NAV2: variants seen among roughly 807,000 people sequenced by gnomAD.
NAV2 encodes helicase, APC down-regulated 1.
In NAV2, 54 loss-of-function variants were observed where a neutral mutation model predicts 223.2. The observed-to-expected ratio is 0.24, with a 90% CI of 0.19 to 0.30. The LOEUF (loss-of-function observed/expected upper bound fraction) is 0.30. Ranked by LOEUF, NAV2 falls within the 10% of genes least tolerant of loss-of-function variation. The pLI is 1.00. For missense variants in NAV2, 2,806 were observed against 3,147.5 expected (o/e 0.89, Z 2.60); for synonymous variants, 1,279 against 1,239.3 (o/e 1.03, Z -0.67).
Position 19,604,272 on chromosome 11 carries a change from T to A in NAV2, c.76-228212T>A, listed in dbSNP as rs369385922. ...GGGTAGGAGGAGGCTACTGCAACAG[T>A]TAGGATGAAAGTTGACAGTGGCTTG... is the stretch of plus-strand genomic sequence containing the variant. On this transcript the variant is annotated intron_variant, in intron 1 of 37. Coordinates refer to the NAV2 transcript ENST00000360655. Among the ~76,000 whole-genome samples, 29 of 152,100 alleles carry A rather than the reference T, an allele frequency of 1.9e-4. No individual in the cohort carries two copies. In the East Asian group the frequency reaches 3.5e-3, roughly 18 times the overall value.
intron 1 of NAV2, among the ~76,000 whole-genome samples, chr11:19,636,444 C>T (rs1335521304): frequency 6.6e-6 from 1 of 151,582 alleles, no homozygotes; most frequent in Non-Finnish European, 1.5e-5. Flanking sequence ...GGATTCAAGT[C>T]TGTGCATGCA....
chr11:19,761,195 T>TG (rs1390220638), intron 1 of NAV2, among the ~76,000 whole-genome samples: 11 of 152,242 alleles, frequency 7.2e-5, no homozygotes, highest in Admixed American at 2.0e-4. Context: ...CCTTTTTTCT[T>TG]GGGGGAGTTA....
intron 1 of NAV2, among the ~76,000 whole-genome samples, chr11:19,393,329 C>A (rs1849319530): frequency 6.6e-6 from 1 of 152,202 alleles, no homozygotes; most frequent in Non-Finnish European, 1.5e-5. Context: ...GCCATTGAGC[C>A]CAGTGCCTGC....
intron 25 of NAV2, chr11:20,082,458 C>T: frequency 1.2e-6 from 1 of 817,466 alleles, no homozygotes; most frequent in South Asian, 1.5e-5. Context: ...TGGAAACCTC[C>T]CCTGTGTGTG....
intron 1 of NAV2, among the ~76,000 whole-genome samples, chr11:19,720,676 G>A (rs1269692192): frequency 2.0e-5 from 3 of 152,134 alleles, no homozygotes; most frequent in African/African-American, 4.8e-5. Context: ...TACTAGTCAC[G>A]GATATCGATT....
intron 30 of NAV2, among the ~76,000 whole-genome samples, chr11:20,096,960 G>A (rs1275574364): frequency 1.3e-5 from 2 of 152,208 alleles, no homozygotes; most frequent in East Asian, 3.9e-4. Context: ...ATGAGACCAT[G>A]CAAAGCCTGT....
At chr11:19,482,651 A>T (rs1340048615) in intron 1 of NAV2, among the ~76,000 whole-genome samples, 1 of 152,180 alleles carries the variant, frequency 6.6e-6, no homozygotes, top group African/African-American at 2.4e-5. Flanking sequence ...GGCTGTTGTC[A>T]TAGGCTGAGC....
chr11:19,588,909 T>A (rs2045973972), intron 1 of NAV2, among the ~76,000 whole-genome samples: 1 of 152,184 alleles, frequency 6.6e-6, no homozygotes, highest in South Asian at 2.1e-4. Context: ...CTGCATATCA[T>A]AAGGTAGTTT....
At chr11:19,718,591 T>C (rs934231571) in intron 1 of NAV2, among the ~76,000 whole-genome samples, 1 of 133,060 alleles carries the variant, frequency 7.5e-6, no homozygotes, top group African/African-American at 2.6e-5. Context: ...AAGGTGATTA[T>C]GGATTTGATT....
chr11:20,055,213 C>T (rs1245805984), intron 18 of NAV2, among the ~76,000 whole-genome samples: 2 of 152,164 alleles, frequency 1.3e-5, no homozygotes, highest in Non-Finnish European at 2.9e-5. Context: ...GAAAATATTG[C>T]ACATGACTCA....
At chr11:20,095,598 A>T (rs568296623) in intron 29 of NAV2, 74 bp from the exon 30 acceptor site, 4 of 1,043,606 alleles carry the variant, frequency 3.8e-6, no homozygotes, top group Non-Finnish European at 6.0e-6. Flanking sequence ...TTCTAAGGCA[A>T]CCTGAGTCCT....
intron 1 of NAV2, among the ~76,000 whole-genome samples, chr11:19,426,718 CG>C (rs2133555463): frequency 6.6e-6 from 1 of 151,564 alleles, no homozygotes; most frequent in South Asian, 2.1e-4. Flanking sequence ...AGTTGGGGGG[CG>C]GGGTTGTCAT....
chr11:19,897,139 A>G (rs981760448), intron 6 of NAV2, among the ~76,000 whole-genome samples: 30 of 152,074 alleles, frequency 2.0e-4, no homozygotes, highest in African/African-American at 7.2e-4. Flanking sequence ...AAGGACAAAA[A>G]ACCAAACACC....
intron 1 of NAV2, among the ~76,000 whole-genome samples, chr11:19,736,461 A>T (rs952270632): frequency 1.3e-5 from 2 of 152,196 alleles, no homozygotes; most frequent in African/African-American, 4.8e-5. Context: ...AAGACACTTT[A>T]TCTTCCAGTG....
At chr11:19,730,565 G>T (rs1242567464) in intron 1 of NAV2, among the ~76,000 whole-genome samples, 3 of 152,244 alleles carry the variant, frequency 2.0e-5, no homozygotes, top group African/African-American at 7.2e-5. Flanking sequence ...AGGGCTGGGA[G>T]CCAGCGCTTC....
At chr11:19,363,990 C>T (rs79852798) in intron 1 of NAV2, among the ~76,000 whole-genome samples, 2,826 of 152,238 alleles carry the variant, frequency 0.019, 77 homozygotes, top group African/African-American at 0.065. Context: ...CTCTGAATCT[C>T]ATGGTTTATG....
rs1565009728 is a variant in NAV2 at position 20,080,052 on chromosome 11, C to T, written c.5180-12C>T. The T allele has an allele frequency of 1.9e-6, 3 of 1,612,842 alleles. No homozygotes were observed. The highest frequency in any genetic ancestry group is 1.3e-5 in the African/African-American group (1 of 74,976). The stretch of plus-strand genomic sequence containing the variant: ...GTTGGCAGCTGCTGAAACACCCTGC[C>T]TTGGTCTCCAGGAAACGGCACTGCC... On this transcript the variant is annotated splice_polypyrimidine_tract_variant and intron_variant, in intron 24 of 37. Transcript: ENST00000349880.
At chr11:19,640,226 T>C (rs1174930600) in intron 1 of NAV2, among the ~76,000 whole-genome samples, 1 of 152,210 alleles carries the variant, frequency 6.6e-6, no homozygotes, top group Non-Finnish European at 1.5e-5. Flanking sequence ...ATAATAGATA[T>C]TCTGGGAAGA....
At chr11:19,785,593 A>G (rs2057048363) in intron 1 of NAV2, among the ~76,000 whole-genome samples, 1 of 152,040 alleles carries the variant, frequency 6.6e-6, no homozygotes, top group Admixed American at 6.5e-5. Flanking sequence ...TTCCTGAGAT[A>G]GCAATGAATT....
Sources: allele counts gnomAD v4.1 joint callset (sites outside exome capture counted in the v4.1 genomes callset), GRCh38; gene constraint gnomAD v4.1.1; transcripts MANE v1.5; gene names NCBI Gene and HGNC (gene_info 2026-07-23, HGNC 2026-07-21).